UNC13C: variants seen among roughly 807,000 people sequenced by gnomAD.
UNC13C encodes the protein protein unc-13 homolog C.
Under a neutral mutation model 245.4 loss-of-function variants are expected in UNC13C, and 174 were observed. That is an observed-to-expected ratio of 0.71 (90% CI 0.63 to 0.80). The LOEUF is 0.80. Ranked by LOEUF, UNC13C falls within the 30% of genes least tolerant of loss-of-function variation. The probability of loss-of-function intolerance (pLI) is 0.00; values close to 1 mark genes in which losing one functional copy is unlikely to be tolerated. For missense variants in UNC13C, 2,829 were observed against 2,602.9 expected, an observed-to-expected ratio of 1.09 and a Z score of -1.89; for synonymous variants, 992 against 895.1, an observed-to-expected ratio of 1.11 and a Z score of -1.93.
rs370129318 is a variant in UNC13C at position 54,476,903 on chromosome 15, C to T, written c.4934-17705C>T. 1.7e-3 allele frequency among the ~76,000 whole-genome samples: 254 copies of T among 150,526 alleles called. 2 individuals carry two copies. The highest frequency in any genetic ancestry group is 3.0e-3 in the Non-Finnish European group (201 of 67,638). On this transcript the variant is annotated intron_variant, in intron 19 of 32. Transcript: ENST00000260323. ...AATCTATAAATTACCTTGGGCAGTA[C>T]GGCCATTTTCATGATATTGATTCTT...
intron 4 of UNC13C, among the ~76,000 whole-genome samples, chr15:54,232,095 G>A (rs566537945): frequency 1.2e-4 from 18 of 152,034 alleles, no homozygotes; most frequent in Middle Eastern, 3.4e-3. Context: ...GACTGTTTTC[G>A]AAGTCATGGT....
intron 22 of UNC13C, among the ~76,000 whole-genome samples, chr15:54,501,220 C>T (rs1303218615): frequency 2.6e-5 from 4 of 152,060 alleles, no homozygotes; most frequent in African/African-American, 4.8e-5. Flanking sequence ...TACTTATAAT[C>T]GAAGAAATTA....
intron 25 of UNC13C, among the ~76,000 whole-genome samples, chr15:54,531,288 T>G (rs1309774746): frequency 6.6e-6 from 1 of 152,172 alleles, no homozygotes; most frequent in Non-Finnish European, 1.5e-5. Flanking sequence ...TGACTGCTGA[T>G]GGAGAAGTGA....
chr15:54,073,822 G>A (rs1309803644), intron 2 of UNC13C, among the ~76,000 whole-genome samples: 1 of 152,144 alleles, frequency 6.6e-6, no homozygotes, highest in East Asian at 1.9e-4. Flanking sequence ...CTCCCATTCT[G>A]TAGGTTGCCT....
At chr15:54,176,527 A>G (rs2033621762) in intron 4 of UNC13C, among the ~76,000 whole-genome samples, 2 of 152,102 alleles carry the variant, frequency 1.3e-5, no homozygotes, top group South Asian at 4.1e-4. Flanking sequence ...TATATTACAC[A>G]AAAAATGAAG....
In UNC13C at chr15:54,444,863, C is replaced by T. The variant is rs375449102; in HGVS notation, c.4933+29796C>T. On this transcript the variant is annotated intron_variant, in intron 19 of 32. Transcript: ENST00000260323. Reference sequence around the variant, plus strand: ...TAAGTTCTAGGGTACATATGTACAACGTGCAGGTTTGTTACATATGTATAC... The same window carrying T: ...TAAGTTCTAGGGTACATATGTACAATGTGCAGGTTTGTTACATATGTATAC... 1.1e-4 allele frequency among the ~76,000 whole-genome samples: 17 copies of T among 151,806 alleles called. 1 individual carries two copies. Among genetic ancestry groups the T allele is most frequent in the East Asian group, 1.9e-4 (1 of 5,158 alleles).
At chr15:54,558,861 T>C (rs1897190335) in intron 29 of UNC13C, among the ~76,000 whole-genome samples, 1 of 151,976 alleles carries the variant, frequency 6.6e-6, no homozygotes, top group Non-Finnish European at 1.5e-5. Flanking sequence ...GGGAGGCCAA[T>C]AGGGAAACTT....
intron 24 of UNC13C, among the ~76,000 whole-genome samples, chr15:54,516,460 G>A (rs1257896851): frequency 3.3e-5 from 5 of 152,138 alleles, no homozygotes; most frequent in Non-Finnish European, 7.4e-5. Context: ...TGACGCTGAT[G>A]CTACTGGTCT....
At chr15:54,258,913 C>T (rs2036350477) in intron 8 of UNC13C, among the ~76,000 whole-genome samples, 1 of 152,118 alleles carries the variant, frequency 6.6e-6, no homozygotes, top group Non-Finnish European at 1.5e-5. Flanking sequence ...AAGAAAGTAC[C>T]ATAAATTGGG....
At chr15:53,988,396 T>C (rs894453794) in intron 1 of UNC13C, among the ~76,000 whole-genome samples, 6 of 152,000 alleles carry the variant, frequency 3.9e-5, no homozygotes, top group Non-Finnish European at 7.4e-5. Context: ...TTATGGGACA[T>C]AAAAAAATAA....
the UNC13C span, among the ~76,000 whole-genome samples, chr15:53,937,970 A>T: frequency 2.0e-5 from 3 of 152,252 alleles, no homozygotes; most frequent in Admixed American, 2.0e-4. Context: ...AAGCAACCAC[A>T]TAAACAAGTC....
chr15:53,929,068 G>A, the UNC13C span, among the ~76,000 whole-genome samples: 1 of 152,140 alleles, frequency 6.6e-6, no homozygotes, highest in African/African-American at 2.4e-5. Context: ...AAAGGAAAGA[G>A]GTTTAATGGA....
At chr15:54,132,074 C>CTTTTTCTTTTTTTCTTT (rs1555420958) in intron 2 of UNC13C, among the ~76,000 whole-genome samples, 1 of 110,646 alleles carries the variant, frequency 9.0e-6, no homozygotes, top group African/African-American at 3.2e-5. Flanking sequence ...TTTTCTTTTT[C>CTTTTTCTTTTTTTCTTT]TTTTTTTTTT....
At chr15:54,142,011 A>G (rs1263440667) in intron 2 of UNC13C, among the ~76,000 whole-genome samples, 2 of 152,186 alleles carry the variant, frequency 1.3e-5, no homozygotes, top group Non-Finnish European at 2.9e-5. Context: ...TGAACTAAGT[A>G]AACTCCAGTG....
chr15:53,870,978 C>T, the UNC13C span, among the ~76,000 whole-genome samples: 1,278 of 152,256 alleles, frequency 8.4e-3, 23 homozygotes, highest in African/African-American at 0.029. Flanking sequence ...AACTCCAACA[C>T]TATTGTCATC....
At chr15:54,446,472 A>G (rs1890821005) in intron 19 of UNC13C, among the ~76,000 whole-genome samples, 1 of 152,004 alleles carries the variant, frequency 6.6e-6, no homozygotes, top group Non-Finnish European at 1.5e-5. Context: ...TATTTCGTTG[A>G]ACATTGGTTT....
Position 54,294,008 on chromosome 15 carries a change from A to G in UNC13C, c.3932A>G (p.Gln1311Arg). The G allele has an allele frequency of 1.3e-6, 2 of 1,597,912 alleles. No individual in the cohort carries two copies. Among genetic ancestry groups the G allele is most frequent in the Non-Finnish European group, 1.7e-6 (2 of 1,172,932 alleles). The change falls in exon 11 of 33, where the codon CAA (glutamine) becomes CGA (arginine). Residue 1311 changes from glutamine (Q) to arginine (R), a missense_variant. Transcript: ENST00000260323. ...AAGGAGTCAGATGATTTTCTGGGACAAACAATTGTAGAAGTGAGGACCTTG... is the reference window on the plus strand; with the variant it reads ...AAGGAGTCAGATGATTTTCTGGGACGAACAATTGTAGAAGTGAGGACCTTG... ...FKKESDDFLG[Q>R]TIVEVRTLSG...
chr15:54,213,342 A>C (rs2034944440), intron 4 of UNC13C, among the ~76,000 whole-genome samples: 1 of 152,068 alleles, frequency 6.6e-6, no homozygotes, highest in Admixed American at 6.6e-5. Context: ...TAAATACTAG[A>C]GAGGAAAAGT....
At chr15:54,198,996 A>T (rs1487973574) in intron 4 of UNC13C, among the ~76,000 whole-genome samples, 22 of 152,040 alleles carry the variant, frequency 1.4e-4, no homozygotes, top group African/African-American at 5.3e-4. Flanking sequence ...TAAATAAAAA[A>T]CAATTACAGC....
Sources: allele counts gnomAD v4.1 joint callset (sites outside exome capture counted in the v4.1 genomes callset), GRCh38; gene constraint gnomAD v4.1.1; transcripts MANE v1.5; gene names NCBI Gene and HGNC (gene_info 2026-07-23, HGNC 2026-07-21).